Variants in RNF146 observed in about 807,000 individuals in gnomAD.
RNF146 encodes the protein E3 ubiquitin-protein ligase RNF146.
A neutral mutation model predicts 29.7 loss-of-function variants in RNF146; 11 were observed. That is an observed-to-expected ratio of 0.37 (90% CI 0.23 to 0.61). RNF146 has a LOEUF of 0.61. RNF146 is among the 20% of genes least tolerant of loss of function. RNF146 has a pLI of 0.66. For missense variants in RNF146, 342 were observed against 438.9 expected (o/e 0.78, Z 1.97); for synonymous variants, 150 against 159.7 (o/e 0.94, Z 0.46).
rs1212523870 is a variant in RNF146 at position 127,287,466 on chromosome 6, A to G, written c.853A>G (p.Ile285Val). ...CAGGGTACCAGCACCAGACACCTCC[A>G]TTGAAGAAACTGAATCAGATGCCAG... is the stretch of plus-strand genomic sequence containing the variant. ...SGRVPAPDTS[I>V]EETESDASSD... is the part of the protein sequence containing the mutation. The change falls in exon 3 of 3, where the codon ATT becomes GTT. Residue 285 changes from isoleucine (I) to valine (V), a missense_variant. By Grantham distance (29) the Ile-to-Val change is conservative. Transcript: ENST00000368314. 5.6e-6 allele frequency: 9 copies of G among 1,613,354 alleles called. No homozygotes were observed. The African/African-American group carries it at 9.4e-5, about 17-fold the overall frequency.
At chr6:127,274,005 G>C (rs79493976) in intron 1 of RNF146, among the ~76,000 whole-genome samples, 3,952 of 152,064 alleles carry the variant, frequency 0.026, 93 homozygotes, top group Non-Finnish European at 0.035. Context: ...TGTTATTTCA[G>C]TACTATTAAG....
In RNF146 at chr6:127,277,614, C is replaced by T. The variant is rs556263316; in HGVS notation, c.-108-2617C>T. Among the ~76,000 whole-genome samples the T allele has an allele frequency of 1.7e-3, 259 of 152,112 alleles. 1 individual carries two copies. Among genetic ancestry groups the T allele is most frequent in the African/African-American group, 6.1e-3 (253 of 41,510 alleles). ...ACTGAAGAACTTGGAGTCTGATGTT[C>T]GAGGGCAGGAAGCATCCAGTACAGG... On this transcript the variant is annotated intron_variant, in intron 1 of 2. Transcript: ENST00000368314.
intron 2 of RNF146, among the ~76,000 whole-genome samples, chr6:127,280,905 T>C (rs1450159223): frequency 6.6e-6 from 1 of 151,798 alleles, no homozygotes; most frequent in Non-Finnish European, 1.5e-5. Flanking sequence ...TTTGTCCATA[T>C]TTAACTTCAC....
At chr6:127,284,589 G>A (rs1389672651) in intron 2 of RNF146, among the ~76,000 whole-genome samples, 1 of 151,898 alleles carries the variant, frequency 6.6e-6, no homozygotes, top group Admixed American at 6.6e-5. Flanking sequence ...CAAAATGTGT[G>A]CACAGCCAAT....
At position 127,271,401 on chromosome 6, in the gene RNF146, T is replaced by C. The variant is rs182021836; in HGVS notation, c.-109+4476T>C. Among the ~76,000 whole-genome samples, 8 of 152,342 alleles carry C rather than the reference T, an allele frequency of 5.3e-5. No individual in the cohort carries two copies. In the East Asian group the frequency reaches 1.5e-3, roughly 29 times the overall value. On this transcript the variant is annotated intron_variant, in intron 1 of 2. Transcript: ENST00000368314. The stretch of plus-strand genomic sequence containing the variant: ...TCAGTTTGGCAGAATTGGGGCTACC[T>C]AAACCCATTAACTTTGATTATAACA...
chr6:127,278,967 A>G (rs967616486), intron 1 of RNF146, among the ~76,000 whole-genome samples: 13 of 151,698 alleles, frequency 8.6e-5, no homozygotes, highest in African/African-American at 3.1e-4. Flanking sequence ...TTTTTTGCTC[A>G]CTTTTTAATT....
intron 1 of RNF146, among the ~76,000 whole-genome samples, chr6:127,276,991 A>T (rs1778300037): frequency 6.6e-6 from 1 of 152,046 alleles, no homozygotes; most frequent in African/African-American, 2.4e-5. Context: ...ATTCTGATGA[A>T]TAGAAGTTGG....
chr6:127,274,066 G>C (rs1286793408), intron 1 of RNF146, among the ~76,000 whole-genome samples: 2 of 151,882 alleles, frequency 1.3e-5, no homozygotes, highest in East Asian at 1.9e-4. Context: ...TTCTTTATAA[G>C]GGGCTTTTTC....
intron 1 of RNF146, among the ~76,000 whole-genome samples, chr6:127,272,968 G>A (rs1777704705): frequency 6.6e-6 from 1 of 152,178 alleles, no homozygotes; most frequent in African/African-American, 2.4e-5. Flanking sequence ...CTGTGTTTAT[G>A]TTACCTGTTT....
At position 127,286,951 on chromosome 6, in the gene RNF146, G is replaced by A; in HGVS notation, c.338G>A (p.Gly113Glu). The A allele has an allele frequency of 6.2e-7, 1 of 1,613,464 alleles. No homozygotes were observed. The highest frequency in any genetic ancestry group is 8.5e-7 in the Non-Finnish European group (1 of 1,179,642). ...EYAWYYEGRN[G>E]WWQYDERTSR... ...GCATGGTATTATGAAGGAAGAAATG[G>A]GTGGTGGCAGTACGATGAGCGCACT... Residue 113 changes from glycine (G) to glutamate (E), a missense_variant, in exon 3 of 3, where the codon GGG becomes GAG. By Grantham distance (98) the Gly-to-Glu change is moderately conservative. Coordinates refer to ENST00000368314, the MANE Select transcript of RNF146 (RefSeq NM_001242850.2). The surrounding 1 kb of genome is among the most constrained non-coding windows in gnomAD (Gnocchi z 4.6).
At chr6:127,280,127 A>T in intron 1 of RNF146, 104 bp from the exon 2 acceptor site, 1 of 544,900 alleles carries the variant, frequency 1.8e-6, no homozygotes, top group East Asian at 2.9e-5. Context: ...CTTGTCTTTA[A>T]TTTTTCCCAC....
In RNF146 at chr6:127,280,249, A is replaced by G; in HGVS notation, c.-90A>G. 1.6e-6 allele frequency: 2 copies of G among 1,221,930 alleles called. No homozygotes were observed. The highest frequency in any genetic ancestry group is 5.1e-5 in the East Asian group (2 of 39,164). The allele number at this position is 1,221,930 out of a possible 1,614,324, so 75.7% of individuals were successfully genotyped here. On this transcript the variant is annotated 5_prime_UTR_variant, in exon 2 of 3. Coordinates refer to ENST00000368314, the MANE Select transcript of RNF146 (RefSeq NM_001242850.2). ...TTTGCAGCACAAAGAATGAACCAGC[A>G]GTGGAAGAGAAAATACTGTAAGCTG...
At chr6:127,284,831 A>T (rs540474414) in intron 2 of RNF146, among the ~76,000 whole-genome samples, 139 of 152,064 alleles carry the variant, frequency 9.1e-4, no homozygotes, top group African/African-American at 3.2e-3. Flanking sequence ...TGGCTTTGAA[A>T]GCGGCCTAAC....
chr6:127,270,659 T>G (rs189762507), intron 1 of RNF146, among the ~76,000 whole-genome samples: 1 of 152,338 alleles, frequency 6.6e-6, no homozygotes, highest in Admixed American at 6.5e-5. Context: ...AACAAAGGTT[T>G]GAACCGTGTA....
chr6:127,283,373 G>A (rs1175384255), intron 2 of RNF146, among the ~76,000 whole-genome samples: 2 of 151,670 alleles, frequency 1.3e-5, no homozygotes, highest in Non-Finnish European at 3.0e-5. Flanking sequence ...AATTTTCTGA[G>A]ACATTTATGA....
chr6:127,269,636 T>C (rs991216979), intron 1 of RNF146, among the ~76,000 whole-genome samples: 2 of 152,198 alleles, frequency 1.3e-5, no homozygotes, highest in African/African-American at 4.8e-5. Context: ...AAGTATGACC[T>C]ATGCTTTTTC....
At position 127,286,790 on chromosome 6, in the gene RNF146, A is replaced by T; in HGVS notation, c.177A>T (p.Leu59=). The T allele has an allele frequency of 6.2e-7, 1 of 1,613,200 alleles. No individual in the cohort carries two copies. Reference sequence around the variant, plus strand: ...CCTGTAAGCACGTTTTCTGCTATCTATGTGTAAAAGGAGCTTCATGGCTTG... The same window carrying T: ...CCTGTAAGCACGTTTTCTGCTATCTTTGTGTAAAAGGAGCTTCATGGCTTG... ...SLPCKHVFCY[L]CVKGASWLGK... The change falls in exon 3 of 3, where the codon CTA becomes CTT. Residue 59 remains leucine, a synonymous_variant. Coordinates refer to ENST00000368314, the MANE Select transcript of RNF146 (RefSeq NM_001242850.2). This position sits in a 1 kb window ranked among gnomAD's most constrained non-coding sequence, Gnocchi z 4.6.
Position 127,280,226 on chromosome 6 carries a change from TGCAGC to T in RNF146, c.-108-4_-108del. On this transcript the variant is annotated splice_acceptor_variant and splice_polypyrimidine_tract_variant and 5_prime_UTR_variant and intron_variant, in exon 2 of 3. Coordinates refer to ENST00000368314, the MANE Select transcript of RNF146 (RefSeq NM_001242850.2). LOFTEE classifies it low-confidence loss of function (5UTR_SPLICE). ...GATCTTAATTACTCTTTTTTTCTTT[TGCAGC>T]ACAAAGAATGAACCAGCAGTGGAAG... 4.0e-6 allele frequency: 4 copies of T among 1,004,028 alleles called. No individual in the cohort carries two copies. Among genetic ancestry groups the T allele is most frequent in the Admixed American group, 4.5e-5 (2 of 44,708 alleles). The allele number at this position is 1,004,028 out of a possible 1,614,324, so 62.2% of individuals were successfully genotyped here. A position where few individuals can be genotyped will look rare whatever the true frequency, so the allele number is the denominator to read the frequency against.
intron 1 of RNF146, 24 bp from the exon 2 acceptor site, chr6:127,280,207 A>C: frequency 1.2e-6 from 1 of 836,638 alleles, no homozygotes; most frequent in Non-Finnish European, 1.9e-6. Flanking sequence ...TCTTGATCTT[A>C]ATTACTCTTT....
Sources: allele counts gnomAD v4.1 joint callset (sites outside exome capture counted in the v4.1 genomes callset), GRCh38; gene constraint gnomAD v4.1.1; non-coding constraint Gnocchi (gnomAD v3.1); transcripts MANE v1.5; gene names NCBI Gene and HGNC (gene_info 2026-07-23, HGNC 2026-07-21).